The following CDH12 variants were observed in gnomAD, a reference collection of about 807,000 sequenced individuals.
The protein encoded by CDH12 is cadherin 12.
In CDH12, 41 loss-of-function variants were observed where a neutral mutation model predicts 74.1. The ratio of observed to expected loss-of-function variants is 0.55; its 90% confidence interval spans 0.43 to 0.72. The LOEUF is 0.72. Ranked by LOEUF, CDH12 falls within the 30% of genes least tolerant of loss-of-function variation. The pLI is 0.00. For missense variants in CDH12, 945 were observed against 977.2 expected, an observed-to-expected ratio of 0.97 and a Z score of 0.44; for synonymous variants, 399 against 355.0, an observed-to-expected ratio of 1.12 and a Z score of -1.39.
At chr5:22,526,814 G>A (rs2126695266) in intron 1 of CDH12, among the ~76,000 whole-genome samples, 1 of 152,254 alleles carries the variant, frequency 6.6e-6, no homozygotes, top group South Asian at 2.1e-4. Flanking sequence ...CAGTTCTGGT[G>A]GCTTCCAATT....
At chr5:22,390,405 C>T (rs986090531) in intron 3 of CDH12, among the ~76,000 whole-genome samples, 1 of 152,010 alleles carries the variant, frequency 6.6e-6, no homozygotes, top group Admixed American at 6.6e-5. Context: ...ATCCTTTAAG[C>T]TTCTTTCATA....
intron 8 of CDH12, among the ~76,000 whole-genome samples, chr5:21,830,563 A>T (rs1254088080): frequency 6.6e-6 from 1 of 152,154 alleles, no homozygotes; most frequent in Non-Finnish European, 1.5e-5. Flanking sequence ...TCTCTGGCAC[A>T]TGAGTATAGC....
intron 3 of CDH12, among the ~76,000 whole-genome samples, chr5:22,223,304 C>A (rs964310028): frequency 1.3e-5 from 2 of 151,988 alleles, no homozygotes; most frequent in African/African-American, 4.8e-5. Context: ...AGGTGTCTGT[C>A]AAGTTGCTCT....
At chr5:22,424,002 C>CAAAAAAAAAAAAAAAAA (rs1165781089) in intron 2 of CDH12, among the ~76,000 whole-genome samples, 10 of 31,216 alleles carry the variant, frequency 3.2e-4, no homozygotes, top group South Asian at 1.7e-3. Context: ...GACTCTGTCT[C>CAAAAAAAAAAAAAAAAA]AAAAAAAAAA....
intron 6 of CDH12, among the ~76,000 whole-genome samples, chr5:21,960,538 T>C (rs1431023809): frequency 6.6e-6 from 1 of 152,176 alleles, no homozygotes; most frequent in Non-Finnish European, 1.5e-5. Flanking sequence ...TATTATTCTA[T>C]GGACCAATTA....
At chr5:22,102,434 C>T (rs372123471) in intron 4 of CDH12, among the ~76,000 whole-genome samples, 15 of 152,132 alleles carry the variant, frequency 9.9e-5, no homozygotes, top group East Asian at 7.8e-4. Flanking sequence ...TTTGGGAGGC[C>T]GAAGCAAGTG....
chr5:21,892,456 C>T (rs947748569), intron 6 of CDH12, among the ~76,000 whole-genome samples: 1 of 151,994 alleles, frequency 6.6e-6, no homozygotes, highest in African/African-American at 2.4e-5. Flanking sequence ...TGTCACTTTT[C>T]GCAGGTTCTG....
At chr5:21,920,674 A>T (rs985330975) in intron 6 of CDH12, among the ~76,000 whole-genome samples, 31 of 149,204 alleles carry the variant, frequency 2.1e-4, no homozygotes, top group African/African-American at 5.8e-4. Context: ...AAGTATGATA[A>T]TAATAATAAT....
At chr5:22,460,156 A>G (rs1284327425) in intron 2 of CDH12, among the ~76,000 whole-genome samples, 1 of 152,230 alleles carries the variant, frequency 6.6e-6, no homozygotes, top group Non-Finnish European at 1.5e-5. Context: ...CAAACTTTTA[A>G]GAATGACATT....
intron 6 of CDH12, among the ~76,000 whole-genome samples, chr5:21,948,798 G>C (rs1029111020): frequency 5.3e-5 from 8 of 152,162 alleles, no homozygotes; most frequent in African/African-American, 1.9e-4. Context: ...TTGAGGGCAG[G>C]ACCTGGTGGA....
chr5:22,759,655 A>T (rs1379651657), intron 1 of CDH12, among the ~76,000 whole-genome samples: 1 of 152,214 alleles, frequency 6.6e-6, no homozygotes, highest in East Asian at 1.9e-4. Context: ...TTTAAATGAA[A>T]CCCTATAAAT....
At chr5:22,103,206 AT>A (rs1312786527) in intron 4 of CDH12, among the ~76,000 whole-genome samples, 1 of 152,208 alleles carries the variant, frequency 6.6e-6, no homozygotes, top group Non-Finnish European at 1.5e-5. Flanking sequence ...ATGGAAGTAA[AT>A]CTGACAACCT....
chr5:22,149,872 G>C (rs1325449649), intron 4 of CDH12, among the ~76,000 whole-genome samples: 1 of 152,176 alleles, frequency 6.6e-6, no homozygotes, highest in African/African-American at 2.4e-5. Context: ...GCAGGTGCCT[G>C]TAATCCCAGC....
chr5:21,991,235 T>C (rs1362084698), intron 5 of CDH12, among the ~76,000 whole-genome samples: 2 of 151,756 alleles, frequency 1.3e-5, no homozygotes, highest in Non-Finnish European at 2.9e-5. Context: ...CATTGTGCCA[T>C]AATTTGCTTT....
At chr5:21,903,443 C>T (rs538487667) in intron 6 of CDH12, among the ~76,000 whole-genome samples, 16 of 152,286 alleles carry the variant, frequency 1.1e-4, no homozygotes, top group African/African-American at 3.4e-4. Context: ...GGACTGTCTT[C>T]AACTCCCTTC....
chr5:21,883,041 G>A (rs1752440425), intron 6 of CDH12: 1 of 1,610,198 alleles, frequency 6.2e-7, no homozygotes, highest in African/African-American at 1.3e-5. Flanking sequence ...TGTTGATGCT[G>A]TAATTGCTGA....
intron 3 of CDH12, among the ~76,000 whole-genome samples, chr5:22,266,207 C>T (rs1736096095): frequency 6.6e-6 from 1 of 151,994 alleles, no homozygotes; most frequent in Admixed American, 6.6e-5. Flanking sequence ...TCCCAAGTAG[C>T]TGGGACAACA....
At chr5:22,211,058 T>A (rs1320381425) in intron 4 of CDH12, among the ~76,000 whole-genome samples, 1 of 152,210 alleles carries the variant, frequency 6.6e-6, no homozygotes, top group Non-Finnish European at 1.5e-5. Context: ...TTTACTCCTC[T>A]GGAAGAAGCA....
At chr5:22,478,507 G>T (rs1375278617) in intron 2 of CDH12, among the ~76,000 whole-genome samples, 1 of 150,938 alleles carries the variant, frequency 6.6e-6, no homozygotes, top group Non-Finnish European at 1.5e-5. Context: ...ACCTTTACCA[G>T]CTAAATATAT....
Sources: gnomAD v4.1 joint callset for allele counts (sites outside exome capture counted in the v4.1 genomes callset) on GRCh38, gnomAD v4.1.1 for gene constraint, MANE v1.5 for transcripts, NCBI Gene and HGNC (gene_info 2026-07-23, HGNC 2026-07-21) for gene names.